Variants in SLC2A9 observed in about 807,000 individuals in gnomAD.
The protein encoded by SLC2A9 is solute carrier family 2, facilitated glucose transporter member 9.
Under a neutral mutation model 50.6 loss-of-function variants are expected in SLC2A9, and 39 were observed. That is an observed-to-expected ratio of 0.77 (90% CI 0.60 to 1.01). The LOEUF is 1.01. Among genes scored for constraint, SLC2A9 ranks in the 50% least tolerant of loss-of-function variants. SLC2A9 has a pLI of 0.00. For missense variants in SLC2A9, 686 were observed against 677.6 expected (o/e 1.01, Z -0.14); for synonymous variants, 324 against 276.9 (o/e 1.17, Z -1.69).
chr4:9,900,487 G>A (rs931329733), intron 8 of SLC2A9, among the ~76,000 whole-genome samples: 1 of 147,660 alleles, frequency 6.8e-6, no homozygotes, highest in East Asian at 2.2e-4. Flanking sequence ...GGTGGGAGTG[G>A]AAACTGCAGG....
chr4:10,014,430 A>G (rs1456617402), intron 2 of SLC2A9, among the ~76,000 whole-genome samples: 1 of 152,190 alleles, frequency 6.6e-6, no homozygotes, highest in Non-Finnish European at 1.5e-5. Flanking sequence ...AGGGCCTCCC[A>G]GGGCGAGCCT....
At chr4:10,023,833 G>A (rs975161214), upstream of SLC2A9, among the ~76,000 whole-genome samples, 2 of 152,218 alleles carry the variant, frequency 1.3e-5, no homozygotes, top group Non-Finnish European at 2.9e-5. Flanking sequence ...GAGCATGGAG[G>A]AGCCTGCCTC....
At chr4:9,889,248 G>A (rs1298728404) in intron 9 of SLC2A9, among the ~76,000 whole-genome samples, 1 of 152,118 alleles carries the variant, frequency 6.6e-6, no homozygotes, top group East Asian at 1.9e-4. Flanking sequence ...GCACAGAAGA[G>A]CCCTAGGAGA....
chr4:10,022,899 C>T (rs934999238), upstream of SLC2A9, among the ~76,000 whole-genome samples: 75 of 152,114 alleles, frequency 4.9e-4, no homozygotes, highest in Non-Finnish European at 3.4e-4. Flanking sequence ...GTATTGAGCA[C>T]GCCAGTCATT....
intron 1 of SLC2A9, chr4:9,771,477 C>T (rs1269069877): frequency 7.5e-6 from 3 of 398,762 alleles, no homozygotes; most frequent in African/African-American, 4.1e-5. Flanking sequence ...CAGCCAGTAC[C>T]CAACACAACT....
intron 2 of SLC2A9, among the ~76,000 whole-genome samples, chr4:10,018,307 G>A (rs1012766852): frequency 1.3e-5 from 2 of 152,206 alleles, no homozygotes; most frequent in Non-Finnish European, 2.9e-5. Context: ...CACTTTGGGA[G>A]GCCAAGGTGG....
intron 5 of SLC2A9, among the ~76,000 whole-genome samples, chr4:9,962,923 C>T (rs76211742): frequency 6.6e-6 from 1 of 152,128 alleles, no homozygotes; most frequent in East Asian, 1.9e-4. Context: ...ACTGGCTATT[C>T]CCTGTGCCTG....
chr4:10,027,892 A>C (rs1318565279), intron 1 of SLC2A9, among the ~76,000 whole-genome samples: 2 of 152,158 alleles, frequency 1.3e-5, no homozygotes, highest in African/African-American at 4.8e-5. Flanking sequence ...TGTGCGGTTG[A>C]TTAATAACTA....
chr4:9,800,317 C>T (rs1721221299), intron 3 of SLC2A9, among the ~76,000 whole-genome samples: 1 of 152,148 alleles, frequency 6.6e-6, no homozygotes. Flanking sequence ...AAAATGTTAC[C>T]TTATTTAGAA....
chr4:9,850,034 C>T (rs1560189922), intron 10 of SLC2A9, among the ~76,000 whole-genome samples: 1 of 151,738 alleles, frequency 6.6e-6, no homozygotes, highest in Non-Finnish European at 1.5e-5. Flanking sequence ...CACACTCAAG[C>T]CACATCTTCA....
At chr4:10,010,241 G>T (rs913958142) in intron 2 of SLC2A9, among the ~76,000 whole-genome samples, 14 of 152,176 alleles carry the variant, frequency 9.2e-5, no homozygotes, top group Admixed American at 3.9e-4. Flanking sequence ...GAGCTTCCCT[G>T]GTAGACAACA....
downstream of SLC2A9, among the ~76,000 whole-genome samples, chr4:9,778,576 C>T (rs1015118440): frequency 1.3e-5 from 2 of 152,166 alleles, no homozygotes; most frequent in African/African-American, 4.8e-5. Flanking sequence ...AATACCTCTC[C>T]CCACTTCTCT....
chr4:9,802,542 GT>G (rs1215988578), intron 3 of SLC2A9, among the ~76,000 whole-genome samples: 3 of 145,180 alleles, frequency 2.1e-5, no homozygotes, highest in Non-Finnish European at 3.0e-5. Context: ...CAGTAAAGAG[GT>G]TTTTTTTGTT....
Position 10,019,049 on chromosome 4 carries a change from C to T in SLC2A9, c.175G>A (p.Ala59Thr). 6.4e-7 allele frequency: 1 copy of T among 1,551,084 alleles called. No homozygotes were observed. The highest frequency in any genetic ancestry group is 8.7e-7 in the Non-Finnish European group (1 of 1,146,954). ...RKDWSCSLLV[A>T]SLAGAFGSSF... ...GAGCCGAAGGCGCCCGCGAGGGAGG[C>T]CACGAGGAGCGAGCAGGACCAGTCC... Residue 59 changes from alanine (A) to threonine (T), a missense_variant, in exon 2 of 12, where the codon GCC becomes ACC. Transcript: ENST00000264784.
chr4:9,893,044 A>G (rs1737820194), intron 8 of SLC2A9, among the ~76,000 whole-genome samples: 1 of 152,214 alleles, frequency 6.6e-6, no homozygotes, highest in African/African-American at 2.4e-5. Flanking sequence ...CCAGGGTCAC[A>G]TGGCTGGTAA....
At chr4:9,958,216 G>A (rs1160706445) in intron 5 of SLC2A9, among the ~76,000 whole-genome samples, 1 of 152,148 alleles carries the variant, frequency 6.6e-6, no homozygotes, top group Non-Finnish European at 1.5e-5. Flanking sequence ...GACATTTTTA[G>A]ACATGGAAAG....
At position 9,951,690 on chromosome 4, in the gene SLC2A9, G is replaced by A. The variant is rs4546242; in HGVS notation, c.682-9645C>T. Among the ~76,000 whole-genome samples the A allele has an allele frequency of 3.5e-3, 526 of 152,216 alleles. 3 individuals are homozygous for A. Among genetic ancestry groups the A allele is most frequent in the Non-Finnish European group, 4.1e-3 (276 of 67,994 alleles). On this transcript the variant is annotated intron_variant, in intron 5 of 11. Transcript: ENST00000264784. ...TTGAGAACTGTCCTTTCTGTCTAAA[G>A]GAAATGTACTTCTTTCTAGAAGAAT...
intron 1 of SLC2A9, among the ~76,000 whole-genome samples, chr4:9,773,832 C>T (rs1168816476): frequency 2.0e-5 from 3 of 152,138 alleles, no homozygotes; most frequent in Admixed American, 6.5e-5. Flanking sequence ...ACTACTTACT[C>T]AAAACCACCA....
chr4:9,859,300 C>G (rs1289603677), intron 10 of SLC2A9, among the ~76,000 whole-genome samples: 1 of 152,182 alleles, frequency 6.6e-6, no homozygotes, highest in Non-Finnish European at 1.5e-5. Flanking sequence ...CCACGGGGTC[C>G]TCTCCGTCAA....
Sources: allele counts gnomAD v4.1 joint callset (sites outside exome capture counted in the v4.1 genomes callset), GRCh38; gene constraint gnomAD v4.1.1; transcripts MANE v1.5; gene names NCBI Gene and HGNC (gene_info 2026-07-23, HGNC 2026-07-21).